The following CCSER1 variants were observed in gnomAD, a reference collection of about 807,000 sequenced individuals.
CCSER1 encodes serine-rich coiled-coil domain-containing protein 1.
A neutral mutation model predicts 82.0 loss-of-function variants in CCSER1; 41 were observed. The observed-to-expected ratio is 0.50, with a 90% CI of 0.39 to 0.65. The LOEUF (loss-of-function observed/expected upper bound fraction) is 0.65. Ranked by LOEUF, CCSER1 falls within the 30% of genes least tolerant of loss-of-function variation. The probability of loss-of-function intolerance (pLI) is 0.00; values close to 1 mark genes in which losing one functional copy is unlikely to be tolerated. For missense variants in CCSER1, 1,119 were observed against 1,064.2 expected, an observed-to-expected ratio of 1.05 and a Z score of -0.72; for synonymous variants, 414 against 383.9, an observed-to-expected ratio of 1.08 and a Z score of -0.92.
At chr4:91,126,164 T>C (rs1010260921) in intron 10 of CCSER1, among the ~76,000 whole-genome samples, 2 of 151,916 alleles carry the variant, frequency 1.3e-5, no homozygotes, top group East Asian at 3.9e-4. Context: ...GTAATGTCAA[T>C]TTATCATTCA....
chr4:90,726,228 G>C (rs1457545643), intron 7 of CCSER1, among the ~76,000 whole-genome samples: 1 of 151,962 alleles, frequency 6.6e-6, no homozygotes, highest in Non-Finnish European at 1.5e-5. Context: ...GTTTATCAAG[G>C]TGCATACTTT....
chr4:90,589,269 A>G (rs1186301735), intron 5 of CCSER1, among the ~76,000 whole-genome samples: 1 of 152,116 alleles, frequency 6.6e-6, no homozygotes, highest in Non-Finnish European at 1.5e-5. Context: ...TCTATTTTCT[A>G]TCACATGTTG....
chr4:90,334,642 TAG>T lies in CCSER1; in HGVS notation c.1509+21598_1509+21599del, dbSNP rs1463882926. 5.9e-5 allele frequency among the ~76,000 whole-genome samples: 9 copies of T among 152,258 alleles called. No individual in the cohort carries two copies. In the South Asian group the frequency reaches 1.7e-3, roughly 28 times the overall value. On this transcript the variant is annotated intron_variant, in intron 3 of 10. Coordinates refer to ENST00000509176, the MANE Select transcript of CCSER1 (RefSeq NM_001145065.2). ...GTTTTATGCTTGTTCTTAAAAATAA[TAG>T]AGTTGTGTATTTAAAAGCTTTCCCA...
intron 5 of CCSER1, among the ~76,000 whole-genome samples, chr4:90,622,094 G>A (rs1560828810): frequency 6.6e-6 from 1 of 152,178 alleles, no homozygotes. Flanking sequence ...GGAACATGAG[G>A]TGGAGTGTAG....
At chr4:90,318,658 G>A (rs988493517) in intron 3 of CCSER1, among the ~76,000 whole-genome samples, 1 of 152,110 alleles carries the variant, frequency 6.6e-6, no homozygotes, top group Non-Finnish European at 1.5e-5. Flanking sequence ...ATTGATAATA[G>A]TAGAATAATA....
intron 5 of CCSER1, among the ~76,000 whole-genome samples, chr4:90,614,103 C>T (rs1720760867): frequency 6.6e-6 from 1 of 152,072 alleles, no homozygotes; most frequent in African/African-American, 2.4e-5. Context: ...ATTTGGTATT[C>T]ACACAAGATT....
chr4:91,565,225 T>C (rs1410663801), intron 10 of CCSER1, among the ~76,000 whole-genome samples: 1 of 152,052 alleles, frequency 6.6e-6, no homozygotes, highest in Non-Finnish European at 1.5e-5. Context: ...TGCAGCCTTA[T>C]TTCTGGGTTC....
intron 10 of CCSER1, among the ~76,000 whole-genome samples, chr4:91,248,067 A>G (rs1390985202): frequency 6.6e-6 from 1 of 152,152 alleles, no homozygotes; most frequent in African/African-American, 2.4e-5. Flanking sequence ...AACAACACAC[A>G]TATTGTAGTA....
chr4:90,387,884 G>A (rs765603159), intron 3 of CCSER1, among the ~76,000 whole-genome samples: 3 of 152,060 alleles, frequency 2.0e-5, no homozygotes. Context: ...CAAAAACATA[G>A]CTTTCAGCCA....
chr4:90,960,337 C>T (rs1191863047), intron 9 of CCSER1, among the ~76,000 whole-genome samples: 1 of 152,074 alleles, frequency 6.6e-6, no homozygotes, highest in Admixed American at 6.6e-5. Flanking sequence ...ACATGAAATG[C>T]CTTGTTTCTA....
At chr4:90,872,998 T>C (rs13104500) in intron 8 of CCSER1, among the ~76,000 whole-genome samples, 63,838 of 151,752 alleles carry the variant, frequency 0.42, 14,213 homozygotes, top group African/African-American at 0.56. Context: ...TTTTAGGACC[T>C]CTTTTAAAAA....
chr4:91,370,901 GC>G (rs1560618533), intron 10 of CCSER1, among the ~76,000 whole-genome samples: 1 of 151,642 alleles, frequency 6.6e-6, no homozygotes, highest in East Asian at 1.9e-4. Flanking sequence ...TTACTCTGTC[GC>G]CCAGGTTGGA....
At chr4:91,401,327 A>T (rs1299464378) in intron 10 of CCSER1, among the ~76,000 whole-genome samples, 1 of 148,346 alleles carries the variant, frequency 6.7e-6, no homozygotes, top group East Asian at 1.9e-4. Context: ...TATACTGTAT[A>T]TATATTACAT....
intron 10 of CCSER1, among the ~76,000 whole-genome samples, chr4:91,393,218 T>C (rs908027671): frequency 6.6e-6 from 1 of 152,098 alleles, no homozygotes; most frequent in Non-Finnish European, 1.5e-5. Flanking sequence ...TAACACATAA[T>C]GGAGACATAC....
At chr4:90,220,094 C>T (rs1314836511) in intron 1 of CCSER1, among the ~76,000 whole-genome samples, 1 of 152,120 alleles carries the variant, frequency 6.6e-6, no homozygotes, top group East Asian at 1.9e-4. Flanking sequence ...AATGAGAACA[C>T]ACATCACCTT....
At chr4:91,354,187 C>G (rs1033507910) in intron 10 of CCSER1, among the ~76,000 whole-genome samples, 4 of 152,158 alleles carry the variant, frequency 2.6e-5, no homozygotes, top group African/African-American at 9.7e-5. Flanking sequence ...TTGATATCCT[C>G]CTGAGCCATC....
At chr4:90,582,537 G>A (rs17017213) in intron 5 of CCSER1, among the ~76,000 whole-genome samples, 6,422 of 152,160 alleles carry the variant, frequency 0.042, 341 homozygotes, top group African/African-American at 0.12. Flanking sequence ...ACCCTTAAAT[G>A]CTAAATACAT....
At chr4:91,585,719 C>T (rs1177796880) in intron 10 of CCSER1, among the ~76,000 whole-genome samples, 1 of 151,192 alleles carries the variant, frequency 6.6e-6, no homozygotes, top group Non-Finnish European at 1.5e-5. Flanking sequence ...ACCTAAAAGA[C>T]CTAAGGAAGG....
intron 7 of CCSER1, among the ~76,000 whole-genome samples, chr4:90,811,023 G>A (rs1273566224): frequency 6.6e-6 from 1 of 151,546 alleles, no homozygotes; most frequent in East Asian, 2.0e-4. Context: ...TAGTAGAGAC[G>A]GGGTTTCATT....
Sources: allele counts gnomAD v4.1 joint callset (sites outside exome capture counted in the v4.1 genomes callset), GRCh38; gene constraint gnomAD v4.1.1; transcripts MANE v1.5; gene names NCBI Gene and HGNC (gene_info 2026-07-23, HGNC 2026-07-21).